STPG2: variants seen among roughly 807,000 people sequenced by gnomAD.
STPG2 encodes sperm tail PG-rich repeat containing 2, also known as sperm-tail PG-rich repeat-containing protein 2.
STPG2 carries 56 observed loss-of-function variants against 54.2 expected under a neutral mutation model. The ratio of observed to expected loss-of-function variants is 1.03; its 90% CI spans 0.83 to 1.29. STPG2 has a LOEUF of 1.29. Ranked by LOEUF, STPG2 falls within the 50% of genes most tolerant of loss-of-function variation. STPG2 has a pLI of 0.00. For missense variants in STPG2, 596 were observed against 544.9 expected, an observed-to-expected ratio of 1.09 and a Z score of -0.93; for synonymous variants, 200 against 181.8, an observed-to-expected ratio of 1.10 and a Z score of -0.81.
intron 9 of STPG2, among the ~76,000 whole-genome samples, chr4:97,797,220 C>T (rs983406834): frequency 1.2e-4 from 19 of 152,278 alleles, no homozygotes; most frequent in Middle Eastern, 3.4e-3. Context: ...ACTTCCAACA[C>T]TATGTTGAAT....
chr4:97,675,115 T>C (rs561615667), intron 10 of STPG2, among the ~76,000 whole-genome samples: 2 of 152,246 alleles, frequency 1.3e-5, no homozygotes, highest in Non-Finnish European at 2.9e-5. Flanking sequence ...GCGATTCTCC[T>C]GCCTCAGCCT....
chr4:97,870,526 G>C (rs1384789386), intron 8 of STPG2, among the ~76,000 whole-genome samples: 1 of 151,294 alleles, frequency 6.6e-6, no homozygotes, highest in Non-Finnish European at 1.5e-5. Flanking sequence ...TAAAAAGTCT[G>C]TGATCATAAT....
chr4:98,023,740 C>A (rs1476269816), intron 5 of STPG2, among the ~76,000 whole-genome samples: 2 of 152,126 alleles, frequency 1.3e-5, no homozygotes, highest in South Asian at 2.1e-4. Flanking sequence ...ATGGCGGGCA[C>A]CCCTCCCCCA....
At position 97,649,806 on chromosome 4, in the gene STPG2, A is replaced by G. The variant is rs146889777; in HGVS notation, c.1320+62893T>C. On this transcript the variant is annotated intron_variant, in intron 10 of 10. Coordinates refer to ENST00000295268, the MANE Select transcript of STPG2 (RefSeq NM_174952.3). ...CCAGGGACCGGTTTCATGGAAGACA[A>G]GTTTTCCACAGACCAGGGGGGACGG... 4.5e-4 allele frequency among the ~76,000 whole-genome samples: 69 copies of G among 152,220 alleles called. No homozygotes were observed. The East Asian group carries it at 0.011, about 25-fold the overall frequency.
chr4:98,121,768 C>A (rs1739687694), intron 3 of STPG2, among the ~76,000 whole-genome samples: 1 of 151,902 alleles, frequency 6.6e-6, no homozygotes, highest in Admixed American at 6.6e-5. Context: ...TGTCACTAGG[C>A]TGGAGTGCAG....
chr4:97,668,588 T>C (rs1430282422), intron 10 of STPG2, among the ~76,000 whole-genome samples: 1 of 150,106 alleles, frequency 6.7e-6, no homozygotes, highest in Non-Finnish European at 1.5e-5. Context: ...TTCACAGGGC[T>C]TAGTGGTCAA....
At chr4:98,124,822 T>C (rs918985470) in intron 3 of STPG2, among the ~76,000 whole-genome samples, 1 of 152,236 alleles carries the variant, frequency 6.6e-6, no homozygotes, top group Non-Finnish European at 1.5e-5. Context: ...CAGTCAGTCA[T>C]AGGTTCAGTC....
At chr4:97,701,766 C>T (rs1723785365) in intron 10 of STPG2, among the ~76,000 whole-genome samples, 1 of 152,174 alleles carries the variant, frequency 6.6e-6, no homozygotes, top group African/African-American at 2.4e-5. Context: ...TTAGCCAATC[C>T]CATAGCTCTA....
chr4:98,007,640 G>C (rs1172168680), intron 5 of STPG2, among the ~76,000 whole-genome samples: 1 of 151,940 alleles, frequency 6.6e-6, no homozygotes, highest in African/African-American at 2.4e-5. Flanking sequence ...GCAAGATAAA[G>C]AATTCAAAGT....
chr4:97,692,083 A>G (rs72892876), intron 10 of STPG2, among the ~76,000 whole-genome samples: 6,125 of 152,208 alleles, frequency 0.04, 408 homozygotes, highest in African/African-American at 0.14. Flanking sequence ...CAAAATGAGA[A>G]GGAACCAGAA....
chr4:97,487,228 C>T (rs919668650), intron 4 of STPG2, among the ~76,000 whole-genome samples: 1 of 150,572 alleles, frequency 6.6e-6, no homozygotes, highest in African/African-American at 2.4e-5. Flanking sequence ...AGGAAGACTA[C>T]ATATGGTATT....
chr4:97,966,345 A>G (rs918000437), intron 7 of STPG2, among the ~76,000 whole-genome samples: 35 of 151,894 alleles, frequency 2.3e-4, no homozygotes, highest in African/African-American at 8.5e-4. Flanking sequence ...AAAGGAACCA[A>G]CAAAACCTCT....
chr4:98,051,914 G>A (rs1737333547), intron 5 of STPG2, among the ~76,000 whole-genome samples: 1 of 151,670 alleles, frequency 6.6e-6, no homozygotes, highest in African/African-American at 2.4e-5. Context: ...ATGGTGAAAC[G>A]CTGTCGCTAC....
At chr4:97,690,283 A>T (rs1221780672) in intron 10 of STPG2, among the ~76,000 whole-genome samples, 1 of 152,186 alleles carries the variant, frequency 6.6e-6, no homozygotes, top group Non-Finnish European at 1.5e-5. Context: ...AGTTCAAGCT[A>T]TCATATCCGA....
At chr4:97,893,996 T>C (rs1208599468) in intron 8 of STPG2, among the ~76,000 whole-genome samples, 5 of 152,122 alleles carry the variant, frequency 3.3e-5, no homozygotes, top group Middle Eastern at 6.8e-3. Flanking sequence ...TTAAAATATG[T>C]TTTCTTCCGT....
intron 8 of STPG2, among the ~76,000 whole-genome samples, chr4:97,842,620 T>C (rs879416819): frequency 2.6e-5 from 4 of 151,880 alleles, no homozygotes; most frequent in Non-Finnish European, 5.9e-5. Flanking sequence ...AATTGATAAG[T>C]TTGGCTACTG....
intron 9 of STPG2, among the ~76,000 whole-genome samples, chr4:97,774,680 C>T (rs1726321725): frequency 1.3e-5 from 2 of 151,814 alleles, no homozygotes; most frequent in Admixed American, 1.3e-4. Flanking sequence ...ATCTGAAAAC[C>T]CAGAAGAAAA....
intron 5 of STPG2, among the ~76,000 whole-genome samples, chr4:98,076,093 A>T (rs956163884): frequency 6.6e-6 from 1 of 152,136 alleles, no homozygotes; most frequent in Admixed American, 6.5e-5. Flanking sequence ...AAATACAAAA[A>T]ATTAGCCAGG....
At chr4:98,107,048 A>AC (rs1739208445) in intron 4 of STPG2, among the ~76,000 whole-genome samples, 1 of 152,188 alleles carries the variant, frequency 6.6e-6, no homozygotes, top group South Asian at 2.1e-4. Context: ...GCTCACTGCT[A>AC]AAGGCTCACC....
Sources: gnomAD v4.1 joint callset for allele counts (sites outside exome capture counted in the v4.1 genomes callset) on GRCh38, gnomAD v4.1.1 for gene constraint, MANE v1.5 for transcripts, NCBI Gene and HGNC (gene_info 2026-07-23, HGNC 2026-07-21) for gene names.